Variants in ACTR2 observed in about 807,000 individuals in gnomAD.
ACTR2 encodes the protein actin related protein 2, also known as actin-related protein 2.
Under a neutral mutation model 50.2 loss-of-function variants are expected in ACTR2, and 5 were observed. That is an observed-to-expected ratio of 0.10 (90% CI 0.05 to 0.21). The LOEUF (loss-of-function observed/expected upper bound fraction) is 0.21, where lower values mean the gene tolerates loss of function less well. Among genes scored for constraint, ACTR2 ranks in the 10% least tolerant of loss-of-function variants. The pLI is 1.00. For missense variants in ACTR2, 180 were observed against 480.6 expected (o/e 0.37, Z 5.85); for synonymous variants, 140 against 162.9 (o/e 0.86, Z 1.07).
At chr2:65,259,509 A>T (rs914977552) in intron 6 of ACTR2, among the ~76,000 whole-genome samples, 1 of 152,092 alleles carries the variant, frequency 6.6e-6, no homozygotes, top group Non-Finnish European at 1.5e-5. Flanking sequence ...CAGGCAGATC[A>T]CTTGAGGCCA....
At chr2:65,237,971 G>T (rs777103499) in intron 1 of ACTR2, among the ~76,000 whole-genome samples, 6 of 152,042 alleles carry the variant, frequency 3.9e-5, no homozygotes, top group African/African-American at 1.2e-4. Flanking sequence ...TCCAGCCTGG[G>T]CGACAGAGTG....
At position 65,263,265 on chromosome 2, in the gene ACTR2, GT is replaced by G. The variant is rs368135966; in HGVS notation, c.882-1765del. Among the ~76,000 whole-genome samples, 1,075 of 133,342 alleles carry G rather than the reference GT, an allele frequency of 8.1e-3. 11 individuals carry two copies. The highest frequency in any genetic ancestry group is 0.027 in the African/African-American group (974 of 35,954). The allele number at this position is 133,342 out of a possible 152,430, so 87.5% of individuals were successfully genotyped here. On this transcript the variant is annotated intron_variant, in intron 7 of 8. Coordinates refer to ENST00000260641, the MANE Select transcript of ACTR2 (RefSeq NM_005722.4). Reference sequence around the variant, plus strand: ...CTTTTTGTAGATTTTGGAGTTTTGGGTTTTTTTTTTTTTCAGTTTTGAAAAG... The same window carrying G: ...CTTTTTGTAGATTTTGGAGTTTTGGGTTTTTTTTTTTTCAGTTTTGAAAAG...
chr2:65,248,439 A>C (rs566596528), intron 3 of ACTR2, among the ~76,000 whole-genome samples: 1 of 152,178 alleles, frequency 6.6e-6, no homozygotes, highest in African/African-American at 2.4e-5. Flanking sequence ...CTGTGGGTGA[A>C]ATATGGGGCT....
At chr2:65,230,787 C>T (rs1469399742) in intron 1 of ACTR2, among the ~76,000 whole-genome samples, 1 of 152,026 alleles carries the variant, frequency 6.6e-6, no homozygotes, top group Non-Finnish European at 1.5e-5. Flanking sequence ...GGCGTTGTGG[C>T]TCATGCCTGT....
chr2:65,264,925 C>T, intron 7 of ACTR2, 118 bp from the exon 8 acceptor site: 1 of 1,135,964 alleles, frequency 8.8e-7, no homozygotes, highest in Non-Finnish European at 1.3e-6. Flanking sequence ...CTGTGATTTA[C>T]ATGTGGAATT....
chr2:65,233,315 T>G (rs1235557519), intron 1 of ACTR2, among the ~76,000 whole-genome samples: 1 of 151,466 alleles, frequency 6.6e-6, no homozygotes, highest in Non-Finnish European at 1.5e-5. Context: ...TAATACTGAT[T>G]ATTATTATTA....
At chr2:65,232,152 G>A (rs996561218) in intron 1 of ACTR2, among the ~76,000 whole-genome samples, 1 of 152,180 alleles carries the variant, frequency 6.6e-6, no homozygotes, top group East Asian at 1.9e-4. Context: ...AAAATCTGGA[G>A]GTCTGTGAAA....
chr2:65,268,085 C>T (rs1672417770), intron 8 of ACTR2, among the ~76,000 whole-genome samples: 1 of 151,896 alleles, frequency 6.6e-6, no homozygotes, highest in African/African-American at 2.4e-5. Flanking sequence ...GATCCGCCCG[C>T]CTTGGCCTCC....
chr2:65,268,075 G>T (rs903770949), intron 8 of ACTR2, among the ~76,000 whole-genome samples: 2 of 151,546 alleles, frequency 1.3e-5, no homozygotes, highest in African/African-American at 4.8e-5. Context: ...CTGACCTCGT[G>T]ATCCGCCCGC....
At chr2:65,249,018 GAAAAAA>G (rs1272428100) in intron 3 of ACTR2, among the ~76,000 whole-genome samples, 1 of 141,626 alleles carries the variant, frequency 7.1e-6, no homozygotes, top group Non-Finnish European at 1.6e-5. Context: ...GTCTCAAAAA[GAAAAAA>G]GAAAAAGAAA....
chr2:65,264,906 T>G, intron 7 of ACTR2, 137 bp from the exon 8 acceptor site: 1 of 936,922 alleles, frequency 1.1e-6, no homozygotes. Context: ...TAACAGCAAA[T>G]ATTCAGCCCT....
chr2:65,255,503 A>C, intron 5 of ACTR2, 42 bp from the exon 6 acceptor site: 2 of 1,574,526 alleles, frequency 1.3e-6, no homozygotes, highest in Non-Finnish European at 1.7e-6. Flanking sequence ...AGTAGAACTC[A>C]TTCAGATGTA....
intron 1 of ACTR2, among the ~76,000 whole-genome samples, chr2:65,237,558 G>T (rs1463788846): frequency 6.6e-6 from 1 of 152,068 alleles, no homozygotes; most frequent in Non-Finnish European, 1.5e-5. Flanking sequence ...GACTATACAA[G>T]AATTTGTAAC....
chr2:65,251,958 A>T (rs754161622), intron 4 of ACTR2, among the ~76,000 whole-genome samples: 14 of 151,806 alleles, frequency 9.2e-5, no homozygotes, highest in Non-Finnish European at 8.8e-5. Flanking sequence ...TATAAATTCA[A>T]CAGGAACTTA....
At chr2:65,260,474 C>G (rs939353660) in intron 6 of ACTR2, among the ~76,000 whole-genome samples, 2 of 152,142 alleles carry the variant, frequency 1.3e-5, no homozygotes, top group Non-Finnish European at 2.9e-5. Context: ...CCATTGCACT[C>G]CAGCCTGGGC....
At chr2:65,250,324 A>G (rs1173680741) in intron 3 of ACTR2, among the ~76,000 whole-genome samples, 3 of 150,972 alleles carry the variant, frequency 2.0e-5, no homozygotes, top group African/African-American at 7.3e-5. Flanking sequence ...AGATGGCACC[A>G]CTGCACTCCA....
At chr2:65,268,216 C>T (rs988353505) in intron 8 of ACTR2, among the ~76,000 whole-genome samples, 3 of 152,058 alleles carry the variant, frequency 2.0e-5, no homozygotes, top group African/African-American at 7.2e-5. Flanking sequence ...GGGAAATTTG[C>T]TCTAATTATG....
At chr2:65,235,237 C>T (rs1007689655) in intron 1 of ACTR2, among the ~76,000 whole-genome samples, 3 of 151,902 alleles carry the variant, frequency 2.0e-5, no homozygotes, top group Non-Finnish European at 4.4e-5. Context: ...CTAAAAAATA[C>T]TAGATGTTAT....
At chr2:65,248,002 C>A (rs1333744431) in intron 3 of ACTR2, among the ~76,000 whole-genome samples, 2 of 152,108 alleles carry the variant, frequency 1.3e-5, no homozygotes, top group African/African-American at 4.8e-5. Context: ...AAGTTAGGAA[C>A]AAGCTTGGTA....
Sources: allele counts gnomAD v4.1 joint callset (sites outside exome capture counted in the v4.1 genomes callset), GRCh38; gene constraint gnomAD v4.1.1; transcripts MANE v1.5; gene names NCBI Gene and HGNC (gene_info 2026-07-23, HGNC 2026-07-21).